SPACA6: variants seen among roughly 807,000 people sequenced by gnomAD.
SPACA6 encodes sperm acrosome membrane-associated protein 6.
For missense variants in SPACA6, 8 were observed against 2.8 expected, an observed-to-expected ratio of 2.88 and a Z score of -1.34; for synonymous variants, 6 against 1.5, an observed-to-expected ratio of 4.05 and a Z score of -2.21.
At chr19:51,708,304 C>T (rs1263265721), downstream of SPACA6, among the ~76,000 whole-genome samples, 1 of 152,132 alleles carries the variant, frequency 6.6e-6, no homozygotes, top group Non-Finnish European at 1.5e-5. Flanking sequence ...TGTCAGAAAC[C>T]AGGGACAAAC....
chr19:51,689,332 C>A (rs2083349789), upstream of SPACA6: 1 of 150,282 alleles, frequency 6.7e-6, no homozygotes, highest in Non-Finnish European at 1.5e-5. Context: ...GGGGGCTGGT[C>A]CGACGGCCGC....
upstream of SPACA6, among the ~76,000 whole-genome samples, chr19:51,685,044 G>A (rs1363328184): frequency 1.3e-5 from 2 of 152,184 alleles, no homozygotes; most frequent in Non-Finnish European, 2.9e-5. Flanking sequence ...TCATGACCCG[G>A]TGCCGCCTGT....
Position 51,704,153 on chromosome 19 carries a change from C to T in SPACA6, c.697C>T (p.Arg233Cys), listed in dbSNP as rs1600143547. The T allele has an allele frequency of 5.0e-6, 2 of 401,034 alleles. No individual in the cohort carries two copies. The highest frequency in any genetic ancestry group is 2.1e-5 in the African/African-American group (1 of 48,692). 24.8% of individuals were successfully genotyped at this position (401,034 alleles called of 1,614,324 possible). Reference sequence around the variant, plus strand: ...CTCCTGCGTGATCAAGCAAGACCAGCGCCCCCTGGCCCGGCTCTACTTCTT... The same window carrying T: ...CTCCTGCGTGATCAAGCAAGACCAGTGCCCCCTGGCCCGGCTCTACTTCTT... ...TFSCVIKQDQ[R>C]PLARLYFFLN... Residue 233 changes from arginine (R) to cysteine (C), a missense_variant, in exon 7 of 9, where the codon CGC becomes TGC. By Grantham distance (180) the Arg-to-Cys change is radical (BLOSUM62 -3). Coordinates refer to ENST00000637797, the MANE Select transcript of SPACA6 (RefSeq NM_001316972.2).
upstream of SPACA6, chr19:51,692,826 C>A (rs767253372): frequency 1.9e-6 from 1 of 534,448 alleles, no homozygotes; most frequent in South Asian, 1.4e-5. This position sits in a 1 kb window ranked among gnomAD's most constrained non-coding sequence, Gnocchi z 5.6. Flanking sequence ...AGGAGGACAC[C>A]CAAGGAGATC....
chr19:51,690,826 C>A (rs1446340388), upstream of SPACA6, among the ~76,000 whole-genome samples: 1 of 152,020 alleles, frequency 6.6e-6, no homozygotes, highest in Non-Finnish European at 1.5e-5. Context: ...CTTCCCCTCT[C>A]CCCTCACCCT....
At chr19:51,705,239 G>C (rs34764077), downstream of SPACA6, 73,542 of 399,028 alleles carry the variant, frequency 0.18, 7,291 homozygotes, top group Middle Eastern at 0.25. Context: ...GTAGGAGGAG[G>C]TGCAGCAAGC....
rs2083487595 is a variant in SPACA6, at chr19:51,703,601, G to A, written c.573+264G>A. ...GGCTTGAGCCCAGGAGTTTGAGACC[G>A]GCCTCGGCAACAAATTAAGACCCCT... On this transcript the variant is annotated intron_variant, in intron 6 of 8. Transcript: ENST00000637797. This position sits in a 1 kb window ranked among gnomAD's most constrained non-coding sequence, Gnocchi z 4.2. Among the ~76,000 whole-genome samples, 1 of 152,088 alleles carries A rather than the reference G, an allele frequency of 6.6e-6. No homozygotes were observed. Among genetic ancestry groups the A allele is most frequent in the Admixed American group, 6.6e-5 (1 of 15,264 alleles).
At chr19:51,691,749 C>T (rs1165049327), upstream of SPACA6, among the ~76,000 whole-genome samples, 1 of 151,612 alleles carries the variant, frequency 6.6e-6, no homozygotes, top group East Asian at 1.9e-4. Context: ...ACCAGACAGT[C>T]CAGGAGGAGG....
intron 2 of SPACA6, among the ~76,000 whole-genome samples, chr19:51,695,856 G>A (rs1056521887): frequency 6.6e-6 from 1 of 152,212 alleles, no homozygotes; most frequent in African/African-American, 2.4e-5. Context: ...GAAGGGCCAG[G>A]GCCAGAGAGT....
chr19:51,709,573 C>CCACTG (rs2083532451), downstream of SPACA6, among the ~76,000 whole-genome samples: 1 of 141,642 alleles, frequency 7.1e-6, no homozygotes, highest in African/African-American at 2.6e-5. Context: ...CATGACTGCA[C>CCACTG]CACTGCAGTC....
At chr19:51,704,921 C>T (rs1450020926) in intron 8 of SPACA6, 169 bp from the exon 9 acceptor site, 3 of 389,926 alleles carry the variant, frequency 7.7e-6, no homozygotes, top group Non-Finnish European at 1.4e-5. Flanking sequence ...TCCAGACCCC[C>T]AAGTTTCTCT....
At chr19:51,709,614 C>CAA (rs56844884), downstream of SPACA6, among the ~76,000 whole-genome samples, 7,988 of 92,952 alleles carry the variant, frequency 0.086, 378 homozygotes, top group African/African-American at 0.15. Flanking sequence ...GACTCTGTCA[C>CAA]AAAAAAAAAA....
intron 2 of SPACA6, among the ~76,000 whole-genome samples, chr19:51,696,975 G>C (rs944601912): frequency 1.1e-4 from 16 of 152,164 alleles, no homozygotes; most frequent in Non-Finnish European, 2.1e-4. Flanking sequence ...GATCCTCATA[G>C]ACAGGGGGTT....
At chr19:51,685,564 C>T (rs1322340978), upstream of SPACA6, 1 of 152,166 alleles carries the variant, frequency 6.6e-6, no homozygotes, top group Non-Finnish European at 1.5e-5. Flanking sequence ...AAGACAGGGT[C>T]TCACTCTATC....
chr19:51,709,116 C>A (rs1029318708), downstream of SPACA6, among the ~76,000 whole-genome samples: 3 of 151,648 alleles, frequency 2.0e-5, no homozygotes, highest in African/African-American at 7.3e-5. Context: ...GTAATCCCAG[C>A]ACTTTGGGGG....
chr19:51,693,197 G>T, upstream of SPACA6: 3 of 561,798 alleles, frequency 5.3e-6, no homozygotes, highest in South Asian at 1.7e-5. Context: ...ATGTCTCTGT[G>T]CCTATCTCCA....
chr19:51,706,873 G>A (rs1182486696), downstream of SPACA6, among the ~76,000 whole-genome samples: 1 of 152,174 alleles, frequency 6.6e-6, no homozygotes, highest in Non-Finnish European at 1.5e-5. Flanking sequence ...TGGCCAGGCT[G>A]ATCTCAAACT....
rs368273882 is a variant in SPACA6 at position 51,694,856 on chromosome 19, C to G, written c.292+301C>G. Among the ~76,000 whole-genome samples, 15 of 152,256 alleles carry G rather than the reference C, an allele frequency of 9.9e-5. No homozygotes were observed. The South Asian group carries it at 1.2e-3, about 13-fold the overall frequency. On this transcript the variant is annotated intron_variant, in intron 2 of 8. Transcript: ENST00000637797. The stretch of plus-strand genomic sequence containing the variant: ...CATGGCTGCATGGCTCACACTCTTA[C>G]TGGCTATGAAGTTCTGGGTGTGTCA...
intron 2 of SPACA6, among the ~76,000 whole-genome samples, chr19:51,710,816 A>T (rs2083538044): frequency 6.6e-6 from 1 of 152,340 alleles, no homozygotes; most frequent in East Asian, 1.9e-4. Context: ...TTGGTGGCTC[A>T]CACCTGTAAT....
Sources: allele counts gnomAD v4.1 joint callset (sites outside exome capture counted in the v4.1 genomes callset), GRCh38; gene constraint gnomAD v4.1.1; non-coding constraint Gnocchi (gnomAD v3.1); transcripts MANE v1.5; gene names NCBI Gene and HGNC (gene_info 2026-07-23, HGNC 2026-07-21).